The following GULP1 variants were observed in gnomAD, a reference collection of about 807,000 sequenced individuals.
GULP1 encodes the protein GULP PTB domain containing engulfment adaptor 1.
GULP1 carries 19 observed loss-of-function variants against 40.9 expected under a neutral mutation model. The observed-to-expected ratio is 0.46, with a 90% confidence interval of 0.32 to 0.68. GULP1 has a LOEUF of 0.68. Ranked by LOEUF, GULP1 falls within the 30% of genes least tolerant of loss-of-function variation. The pLI, the probability that GULP1 is intolerant of heterozygous loss-of-function variation, is 0.03. For synonymous variants in GULP1, 119 were observed against 117.6 expected (o/e 1.01, Z -0.08); for missense variants, 312 against 362.2 (o/e 0.86, Z 1.12).
chr2:188,569,201 A>T, intron 7 of GULP1, 38 bp from the exon 8 acceptor site: 1 of 1,003,412 alleles, frequency 1.0e-6, no homozygotes, highest in Non-Finnish European at 1.6e-6. Context: ...AGTTTGACAT[A>T]TTATTAAAAT....
intron 1 of GULP1, among the ~76,000 whole-genome samples, chr2:188,307,801 G>T (rs2037364944): frequency 1.3e-5 from 2 of 152,164 alleles, no homozygotes; most frequent in South Asian, 4.1e-4. Flanking sequence ...TTACTGATAT[G>T]GGAGCAGGAA....
chr2:188,310,042 A>C (rs537704421), intron 1 of GULP1, among the ~76,000 whole-genome samples: 1 of 152,282 alleles, frequency 6.6e-6, no homozygotes, highest in South Asian at 2.1e-4. Context: ...TTTCAGTTAC[A>C]ATGAGGCAAT....
At chr2:188,340,421 G>T (rs954354127) in intron 1 of GULP1, among the ~76,000 whole-genome samples, 1 of 152,134 alleles carries the variant, frequency 6.6e-6, no homozygotes, top group Admixed American at 6.5e-5. Flanking sequence ...CTCGCGGGAG[G>T]GGGAGATGCA....
rs78999529 is a variant in GULP1 at position 188,493,153 on chromosome 2, G to C, written c.90+9661G>C. 3.9e-5 allele frequency among the ~76,000 whole-genome samples: 6 copies of C among 152,098 alleles called. No homozygotes were observed. The East Asian group carries it at 1.2e-3, about 30-fold the overall frequency. On this transcript the variant is annotated intron_variant, in intron 4 of 11. Coordinates refer to ENST00000409830, the MANE Select transcript of GULP1 (RefSeq NM_016315.4). Reference sequence around the variant, plus strand: ...TATAAATTTCAGTTTTCCTCCTCAAGATGTTTTTCTAAAAATGACCCAACG... The same window carrying C: ...TATAAATTTCAGTTTTCCTCCTCAACATGTTTTTCTAAAAATGACCCAACG...
At chr2:188,455,012 G>C (rs1450791737) in intron 2 of GULP1, among the ~76,000 whole-genome samples, 3 of 152,080 alleles carry the variant, frequency 2.0e-5, no homozygotes, top group Non-Finnish European at 4.4e-5. Context: ...TGCTCCTGTA[G>C]TCCCAGCTAC....
chr2:188,467,372 C>A (rs1233988497), intron 2 of GULP1, among the ~76,000 whole-genome samples: 2 of 152,054 alleles, frequency 1.3e-5, no homozygotes, highest in Admixed American at 6.6e-5. Flanking sequence ...TGAGATTTTT[C>A]ATAATCTTTT....
intron 2 of GULP1, among the ~76,000 whole-genome samples, chr2:188,417,482 C>A (rs913981371): frequency 1.4e-4 from 22 of 152,078 alleles, no homozygotes; most frequent in African/African-American, 5.1e-4. Flanking sequence ...ATAAGTTATT[C>A]GAATTAGATA....
At chr2:188,532,183 T>C (rs1284880737) in intron 6 of GULP1, among the ~76,000 whole-genome samples, 1 of 152,270 alleles carries the variant, frequency 6.6e-6, no homozygotes, top group East Asian at 1.9e-4. Flanking sequence ...ATAATTTCAC[T>C]ACGTTCATAT....
At chr2:188,503,195 T>A (rs2063591351) in intron 4 of GULP1, among the ~76,000 whole-genome samples, 1 of 151,880 alleles carries the variant, frequency 6.6e-6, no homozygotes, top group Non-Finnish European at 1.5e-5. Flanking sequence ...CTTAAAACAT[T>A]ATGAGGTTTT....
chr2:188,565,610 C>T (rs1697466027), intron 7 of GULP1, among the ~76,000 whole-genome samples: 1 of 151,974 alleles, frequency 6.6e-6, no homozygotes, highest in Non-Finnish European at 1.5e-5. Context: ...TATATTATTA[C>T]TTTGGAAAAC....
At chr2:188,428,256 G>A (rs2056453740) in intron 2 of GULP1, among the ~76,000 whole-genome samples, 1 of 152,126 alleles carries the variant, frequency 6.6e-6, no homozygotes, top group African/African-American at 2.4e-5. Context: ...GATTTATCTT[G>A]TCTTAGATGA....
intron 1 of GULP1, among the ~76,000 whole-genome samples, chr2:188,356,482 G>T (rs1178110833): frequency 6.6e-6 from 1 of 151,984 alleles, no homozygotes; most frequent in African/African-American, 2.4e-5. Flanking sequence ...AACCAAGGAG[G>T]TGAAATATTT....
At chr2:188,540,903 T>C (rs930246917) in intron 6 of GULP1, among the ~76,000 whole-genome samples, 5 of 152,150 alleles carry the variant, frequency 3.3e-5, no homozygotes, top group Non-Finnish European at 2.9e-5. Context: ...TCAAGAGCCA[T>C]TGTAGCTCAG....
intron 1 of GULP1, among the ~76,000 whole-genome samples, chr2:188,338,212 T>C (rs866524889): frequency 7.9e-5 from 12 of 152,162 alleles, no homozygotes; most frequent in Middle Eastern, 6.8e-3. Context: ...TCACCCCTCA[T>C]TGGTACAACT....
chr2:188,422,730 TATAA>T (rs1371128932), intron 2 of GULP1, among the ~76,000 whole-genome samples: 2 of 152,120 alleles, frequency 1.3e-5, no homozygotes, highest in Non-Finnish European at 2.9e-5. Flanking sequence ...TGAGGCACAT[TATAA>T]ATAAATTTTT....
At chr2:188,500,598 T>A (rs1008783218) in intron 4 of GULP1, among the ~76,000 whole-genome samples, 1 of 151,920 alleles carries the variant, frequency 6.6e-6, no homozygotes, top group South Asian at 2.1e-4. Flanking sequence ...CAGTTGACTA[T>A]GCTAAAATAA....
chr2:188,309,851 G>T (rs1031165959), intron 1 of GULP1, among the ~76,000 whole-genome samples: 8 of 152,124 alleles, frequency 5.3e-5, no homozygotes, highest in Non-Finnish European at 1.0e-4. Context: ...ACTTTTTAAA[G>T]CTTATTTTTT....
At chr2:188,483,700 T>A (rs1234279108) in intron 4 of GULP1, among the ~76,000 whole-genome samples, 1 of 152,102 alleles carries the variant, frequency 6.6e-6, no homozygotes, top group East Asian at 1.9e-4. Context: ...AAAATTACTG[T>A]TTTAGTCAAA....
chr2:188,567,885 C>T (rs1027578293), intron 7 of GULP1, among the ~76,000 whole-genome samples: 7 of 152,226 alleles, frequency 4.6e-5, no homozygotes, highest in African/African-American at 1.7e-4. Context: ...TCTATCAAAA[C>T]CACTTCTTTA....
Sources: allele counts gnomAD v4.1 joint callset (sites outside exome capture counted in the v4.1 genomes callset), GRCh38; gene constraint gnomAD v4.1.1; transcripts MANE v1.5; gene names NCBI Gene and HGNC (gene_info 2026-07-23, HGNC 2026-07-21).